The following YES1 variants were observed in gnomAD, a reference collection of about 807,000 sequenced individuals.
The protein encoded by YES1 is YES proto-oncogene 1, Src family tyrosine kinase.
Under a neutral mutation model 70.4 loss-of-function variants are expected in YES1, and 39 were observed. The observed-to-expected ratio is 0.55, with a 90% CI of 0.43 to 0.72. YES1 has a LOEUF of 0.72. Among genes scored for constraint, YES1 ranks in the 30% least tolerant of loss-of-function variants. The pLI, the probability that YES1 is intolerant of heterozygous loss-of-function variation, is 0.00. For missense variants in YES1, 495 were observed against 644.8 expected (o/e 0.77, Z 2.52); for synonymous variants, 198 against 218.6 (o/e 0.91, Z 0.83).
chr18:733,882 T>C (rs1023553291), intron 10 of YES1, among the ~76,000 whole-genome samples: 5 of 152,202 alleles, frequency 3.3e-5, no homozygotes, highest in East Asian at 1.9e-4. Flanking sequence ...CTTTAAGTTA[T>C]TTATATGTGT....
chr18:724,322 C>T lies in YES1; in HGVS notation c.*102G>A. On this transcript the variant is annotated 3_prime_UTR_variant, in exon 12 of 12. Transcript: ENST00000314574. ...TGGGATTCCAGTTTACCATTAAAAA[C>T]ATGCAGAGTAAAGAAGATTTTCTTC... The T allele has an allele frequency of 8.7e-7, 1 of 1,150,888 alleles. No homozygotes were observed. Among genetic ancestry groups the T allele is most frequent in the Non-Finnish European group, 1.2e-6 (1 of 820,002 alleles). 71.3% of individuals were successfully genotyped at this position (1,150,888 alleles called of 1,614,324 possible).
intron 1 of YES1, among the ~76,000 whole-genome samples, chr18:804,919 A>AAAAAAAAAAAAC (rs1328990637): frequency 6.6e-6 from 1 of 151,378 alleles, no homozygotes; most frequent in African/African-American, 2.4e-5. Context: ...GACTCAAAAA[A>AAAAAAAAAAAAC]AAAAAACACA....
At chr18:742,540 G>A (rs972951249) in intron 8 of YES1, among the ~76,000 whole-genome samples, 20 of 151,382 alleles carry the variant, frequency 1.3e-4, no homozygotes, top group Non-Finnish European at 2.9e-4. Context: ...ATATTAAAAT[G>A]AGAAAACTAA....
intron 11 of YES1, among the ~76,000 whole-genome samples, chr18:730,555 C>T (rs556545597): frequency 6.6e-6 from 1 of 152,176 alleles, no homozygotes; most frequent in East Asian, 1.9e-4. Flanking sequence ...ATGGTTCCTT[C>T]TCTGGGACCC....
chr18:757,682 C>T (rs533149367), intron 1 of YES1, among the ~76,000 whole-genome samples: 11 of 151,570 alleles, frequency 7.3e-5, no homozygotes, highest in Middle Eastern at 3.4e-3. Context: ...ATTAGCTGGG[C>T]GTGGTGGTGC....
intron 1 of YES1, among the ~76,000 whole-genome samples, chr18:770,095 C>A (rs1598922166): frequency 6.6e-6 from 1 of 151,670 alleles, no homozygotes; most frequent in South Asian, 2.1e-4. Flanking sequence ...AAGTAGCTGG[C>A]AGTACAGGCA....
At chr18:756,421 G>C in intron 2 of YES1, 136 bp downstream of exon 2, 1 of 1,196,946 alleles carries the variant, frequency 8.4e-7, no homozygotes, top group Non-Finnish European at 1.2e-6. Flanking sequence ...TTTTATGTTA[G>C]AGACTGATTT....
At chr18:771,058 C>T (rs963640402) in intron 1 of YES1, among the ~76,000 whole-genome samples, 1 of 151,858 alleles carries the variant, frequency 6.6e-6, no homozygotes, top group Admixed American at 6.6e-5. Context: ...TTTCATTCCC[C>T]GGTGTTAATA....
intron 11 of YES1, 130 bp downstream of exon 11, chr18:732,704 T>C (rs1010007747): frequency 1.7e-6 from 2 of 1,206,054 alleles, no homozygotes; most frequent in Non-Finnish European, 2.4e-6. Context: ...AGGGAAGGAG[T>C]GGGGAGAGGG....
rs192149816 is a variant in YES1 at position 757,308 on chromosome 18, C to T, written c.-8-473G>A. ...CACGAGGTCAGGAGATTGAGACCAT[C>T]CTGGCTAACACGGTGAAACCCCGCC... On this transcript the variant is annotated intron_variant, in intron 1 of 11. Transcript: ENST00000314574. 3.6e-3 allele frequency among the ~76,000 whole-genome samples: 540 copies of T among 151,222 alleles called. 3 individuals are homozygous for T. Among genetic ancestry groups the T allele is most frequent in the African/African-American group, 0.012 (500 of 41,148 alleles).
intron 1 of YES1, among the ~76,000 whole-genome samples, chr18:791,237 T>C (rs1391902435): frequency 7.8e-6 from 1 of 127,628 alleles, no homozygotes; most frequent in Non-Finnish European, 1.6e-5. Flanking sequence ...CCAACAAGAG[T>C]GAAACTTGAA....
chr18:750,598 A>G (rs1269434607), intron 3 of YES1, among the ~76,000 whole-genome samples: 1 of 152,216 alleles, frequency 6.6e-6, no homozygotes, highest in African/African-American at 2.4e-5. Flanking sequence ...TTGGTCTAAA[A>G]GAATAACAAG....
intron 1 of YES1, among the ~76,000 whole-genome samples, chr18:757,452 G>A (rs1196628094): frequency 4.0e-5 from 6 of 148,830 alleles, no homozygotes; most frequent in Middle Eastern, 3.4e-3. Context: ...GCAGTGAGCA[G>A]AGATCGCGCC....
intron 8 of YES1, among the ~76,000 whole-genome samples, chr18:741,538 T>TCA (rs895927629): frequency 5.3e-5 from 8 of 152,126 alleles, no homozygotes; most frequent in Admixed American, 1.3e-4. Flanking sequence ...GTGTGGTGGC[T>TCA]CACACCTGTA....
At chr18:741,295 G>A (rs998065516) in intron 8 of YES1, among the ~76,000 whole-genome samples, 2 of 150,912 alleles carry the variant, frequency 1.3e-5, no homozygotes, top group Non-Finnish European at 2.9e-5. Flanking sequence ...CCAGATGGGA[G>A]TGCAGTGGCA....
intron 11 of YES1, among the ~76,000 whole-genome samples, chr18:730,521 G>C (rs927159357): frequency 6.6e-6 from 1 of 151,810 alleles, no homozygotes; most frequent in Non-Finnish European, 1.5e-5. Context: ...GAATTTTAAA[G>C]CAGAATTTTA....
chr18:756,901 C>T, intron 1 of YES1, 66 bp from the exon 2 acceptor site: 1 of 1,433,978 alleles, frequency 7.0e-7, no homozygotes, highest in Non-Finnish European at 9.3e-7. Flanking sequence ...AGACAGGGTT[C>T]AAAAAATCAT....
In YES1 at chr18:781,299, G is replaced by T. The variant is rs984399085; in HGVS notation, c.-8-24464C>A. Reference sequence around the variant, plus strand: ...AAAAAAAAAAAAATAAGAGGGCCTTGTATGATTTGCTTAATTTACCTCTCT... The same window carrying T: ...AAAAAAAAAAAAATAAGAGGGCCTTTTATGATTTGCTTAATTTACCTCTCT... On this transcript the variant is annotated intron_variant, in intron 1 of 11. Coordinates refer to ENST00000314574, the MANE Select transcript of YES1 (RefSeq NM_005433.4). Among the ~76,000 whole-genome samples the T allele has an allele frequency of 1.3e-5, 2 of 150,924 alleles. 1 individual carries two copies. The highest frequency in any genetic ancestry group is 4.9e-5 in the African/African-American group (2 of 41,164).
chr18:730,542 C>T (rs930476935), intron 11 of YES1, among the ~76,000 whole-genome samples: 8 of 151,822 alleles, frequency 5.3e-5, no homozygotes. Flanking sequence ...GAGTTCTTTC[C>T]CTATGGTTCC....
Sources: gnomAD v4.1 joint callset for allele counts (sites outside exome capture counted in the v4.1 genomes callset) on GRCh38, gnomAD v4.1.1 for gene constraint, MANE v1.5 for transcripts, NCBI Gene and HGNC (gene_info 2026-07-23, HGNC 2026-07-21) for gene names.